The following SNED1 variants were observed in gnomAD, a reference collection of about 807,000 sequenced individuals.
SNED1 encodes sushi, nidogen and EGF-like domain-containing protein 1.
In SNED1, 81 loss-of-function variants were observed where a neutral mutation model predicts 166.7. That is an observed-to-expected ratio of 0.49 (90% CI 0.41 to 0.58). SNED1 has a LOEUF of 0.58. SNED1 is among the 20% of genes least tolerant of loss of function. The probability of loss-of-function intolerance (pLI) is 0.00; values close to 1 mark genes in which losing one functional copy is unlikely to be tolerated. For missense variants in SNED1, 1,604 were observed against 2,000.2 expected (o/e 0.80, Z 3.78); for synonymous variants, 762 against 822.0 (o/e 0.93, Z 1.25).
chr2:241,030,864 A>C (rs1018703200), intron 2 of SNED1, among the ~76,000 whole-genome samples: 2 of 152,270 alleles, frequency 1.3e-5, no homozygotes, highest in East Asian at 3.8e-4. Flanking sequence ...CCCAGTACTC[A>C]AAAGGTTAGA....
intron 24 of SNED1, 153 bp from the exon 25 acceptor site, chr2:241,071,423 C>A: frequency 1.2e-6 from 1 of 851,942 alleles, no homozygotes; most frequent in Non-Finnish European, 1.8e-6. Flanking sequence ...CTGGGGAAGC[C>A]ACAAGCACCT....
rs760977638 is a variant in SNED1, at chr2:241,064,164, G to A, written c.2599+39G>A. On this transcript the variant is annotated intron_variant, in intron 19 of 31. Transcript: ENST00000310397. This position sits in a 1 kb window ranked among gnomAD's most constrained non-coding sequence, Gnocchi z 7.0. ...CCTGCCTGCTCCCCGCCCTCTGCCC[G>A]CCTGCTCCCCGCCCTCTGCCCGCCT... The A allele has an allele frequency of 1.0e-5, 14 of 1,390,858 alleles. No homozygotes were observed. Among genetic ancestry groups the A allele is most frequent in the South Asian group, 7.8e-5 (6 of 76,736 alleles). The allele number at this position is 1,390,858 out of a possible 1,614,324, so 86.2% of individuals were successfully genotyped here. A position where few individuals can be genotyped will look rare whatever the true frequency, so the allele number is the denominator to read the frequency against.
At chr2:241,039,240 GA>G (rs1242459663) in intron 6 of SNED1, among the ~76,000 whole-genome samples, 3 of 152,162 alleles carry the variant, frequency 2.0e-5, no homozygotes, top group African/African-American at 7.2e-5. Flanking sequence ...GGGAGACAGG[GA>G]TCACCATGTC....
At chr2:241,009,370 C>A (rs1383443311) in intron 1 of SNED1, among the ~76,000 whole-genome samples, 1 of 152,162 alleles carries the variant, frequency 6.6e-6, no homozygotes, top group Non-Finnish European at 1.5e-5. Context: ...CACCCTGGGG[C>A]CTCTAGGGGA....
Position 241,068,165 on chromosome 2 carries a change from T to C in SNED1, c.3194+218T>C, listed in dbSNP as rs1490129137. On this transcript the variant is annotated intron_variant, in intron 22 of 31. Transcript: ENST00000310397. This position sits in a 1 kb window ranked among gnomAD's most constrained non-coding sequence, Gnocchi z 5.3. ...AGGGCTGCCAAGAGAGGATACACCT[T>C]GGTAGTGTTTTAAAGTGTCCAAAAA... 6.6e-6 allele frequency among the ~76,000 whole-genome samples: 1 copy of C among 152,078 alleles called. No homozygotes were observed. The highest frequency in any genetic ancestry group is 1.5e-5 in the Non-Finnish European group (1 of 67,994).
At chr2:241,012,740 G>C (rs1266412617) in intron 1 of SNED1, among the ~76,000 whole-genome samples, 14 of 151,706 alleles carry the variant, frequency 9.2e-5, no homozygotes, top group Admixed American at 9.2e-4. Flanking sequence ...CAGTTACCGT[G>C]TGTGTGCACG....
intron 9 of SNED1, 99 bp downstream of exon 9, chr2:241,048,539 C>A (rs570873347): frequency 3.4e-6 from 5 of 1,489,810 alleles, no homozygotes; most frequent in Admixed American, 4.2e-5. Flanking sequence ...CGAAAAGAAA[C>A]GTGTGAGTGC....
chr2:241,057,412 T>TATATATATATATGC (rs1553574678), intron 16 of SNED1, among the ~76,000 whole-genome samples: 30 of 129,376 alleles, frequency 2.3e-4, no homozygotes, highest in African/African-American at 8.3e-4. Context: ...TATATATATA[T>TATATATATATATGC]GCCATACGCA....
At chr2:241,047,861 G>A (rs1229729241) in intron 8 of SNED1, among the ~76,000 whole-genome samples, 1 of 151,872 alleles carries the variant, frequency 6.6e-6, no homozygotes, top group African/African-American at 2.4e-5. Flanking sequence ...ATCCCGGGTG[G>A]CTTCTCTGGT....
At chr2:241,002,513 G>C (rs2060106185) in intron 1 of SNED1, among the ~76,000 whole-genome samples, 1 of 152,150 alleles carries the variant, frequency 6.6e-6, no homozygotes, top group Non-Finnish European at 1.5e-5. Flanking sequence ...TCTTGCTGCT[G>C]CCTGGGTGTG....
At chr2:241,036,466 C>T (rs1184897363) in intron 4 of SNED1, among the ~76,000 whole-genome samples, 3 of 152,066 alleles carry the variant, frequency 2.0e-5, no homozygotes, top group Non-Finnish European at 4.4e-5. Context: ...GGAGGGGAGG[C>T]GGAGTGTGCC....
At chr2:241,001,553 C>T (rs777343184) in intron 1 of SNED1, among the ~76,000 whole-genome samples, 8 of 152,240 alleles carry the variant, frequency 5.3e-5, no homozygotes, top group Non-Finnish European at 1.2e-4. Context: ...AGGAGCGTGG[C>T]GCGCCGAGGA....
chr2:241,052,879 T>C (rs1286142154), intron 15 of SNED1, among the ~76,000 whole-genome samples: 4 of 128,216 alleles, frequency 3.1e-5, no homozygotes, highest in Non-Finnish European at 7.1e-5. Context: ...GTACATGGGA[T>C]ACCAGTGGCA....
At chr2:241,045,377 A>C (rs2061619658) in intron 8 of SNED1, among the ~76,000 whole-genome samples, 2 of 152,232 alleles carry the variant, frequency 1.3e-5, no homozygotes, top group South Asian at 4.1e-4. Flanking sequence ...ATTTTGAGGA[A>C]TCACACTACT....
chr2:241,040,936 G>C, intron 8 of SNED1: 1 of 431,388 alleles, frequency 2.3e-6, no homozygotes, highest in South Asian at 1.8e-5. Flanking sequence ...GCAGCCTACA[G>C]TATAAAAATG....
At chr2:241,001,426 T>G (rs1373985493) in intron 1 of SNED1, among the ~76,000 whole-genome samples, 2 of 152,258 alleles carry the variant, frequency 1.3e-5, no homozygotes, top group Non-Finnish European at 2.9e-5. Flanking sequence ...CCCATTGTTT[T>G]GCTTCTTTCT....
chr2:241,071,767 CTG>C (rs1559296339), intron 25 of SNED1, 27 bp from the exon 26 acceptor site: 1 of 1,566,660 alleles, frequency 6.4e-7, no homozygotes, highest in Non-Finnish European at 8.7e-7. Context: ...GGCGCTCGGA[CTG>C]TGGTGACCCT....
At chr2:241,007,725 T>C (rs1258969521) in intron 1 of SNED1, among the ~76,000 whole-genome samples, 1 of 152,224 alleles carries the variant, frequency 6.6e-6, no homozygotes, top group Non-Finnish European at 1.5e-5. Flanking sequence ...TTTCTTTCAA[T>C]GTTACGCCAC....
At chr2:241,057,370 T>G (rs1384134516) in intron 16 of SNED1, among the ~76,000 whole-genome samples, 2 of 116,920 alleles carry the variant, frequency 1.7e-5, no homozygotes. Flanking sequence ...CGAGCAAAAC[T>G]CCATCTCAAA....
Sources: gnomAD v4.1 joint callset for allele counts (sites outside exome capture counted in the v4.1 genomes callset) on GRCh38, gnomAD v4.1.1 for gene constraint, Gnocchi (gnomAD v3.1) non-coding constraint, MANE v1.5 for transcripts, NCBI Gene and HGNC (gene_info 2026-07-23, HGNC 2026-07-21) for gene names.